The following GSE1 variants were observed in gnomAD, a reference collection of about 807,000 sequenced individuals.
GSE1 encodes Gse1 coiled-coil protein.
Under a neutral mutation model 112.6 loss-of-function variants are expected in GSE1, and 32 were observed. The observed-to-expected ratio is 0.28, with a 90% CI of 0.21 to 0.38. GSE1 has a LOEUF of 0.38. GSE1 is among the 10% of genes least tolerant of loss of function. The probability of loss-of-function intolerance (pLI) is 1.00; values close to 1 mark genes in which losing one functional copy is unlikely to be tolerated. For missense variants in GSE1, 2,348 were observed against 1,699.2 expected (o/e 1.38, Z -6.71); for synonymous variants, 1,115 against 735.6 (o/e 1.52, Z -8.35).
rs2051957944 is a variant in GSE1 at position 85,656,460 on chromosome 16, C to CGAGCAAGAGAAGGAGCGT, written c.1112_1129dup (p.Gln371_Glu376dup). ...GTGAGCGCGAACGCGAGAAGGAGCG[C>CGAGCAAGAGAAGGAGCGT]GAGCAAGAGAAGGAGCGTGAGCGTG... is the stretch of plus-strand genomic sequence containing the variant. On this transcript the variant is annotated inframe_insertion, in exon 7 of 16. Coordinates refer to ENST00000253458, the MANE Select transcript of GSE1 (RefSeq NM_014615.5). 12 of 1,539,324 alleles carry CGAGCAAGAGAAGGAGCGT rather than the reference C, an allele frequency of 7.8e-6. No individual in the cohort carries two copies. Among genetic ancestry groups the CGAGCAAGAGAAGGAGCGT allele is most frequent in the African/African-American group, 5.5e-5 (4 of 72,544 alleles).
At chr16:85,333,619 G>A (rs891156725) in intron 1 of GSE1, among the ~76,000 whole-genome samples, 1 of 152,338 alleles carries the variant, frequency 6.6e-6, no homozygotes, top group African/African-American at 2.4e-5. Context: ...TATACAATGG[G>A]GACAATAACA....
At chr16:85,362,423 A>G (rs2047100942) in intron 2 of GSE1, among the ~76,000 whole-genome samples, 1 of 152,198 alleles carries the variant, frequency 6.6e-6, no homozygotes, top group African/African-American at 2.4e-5. Context: ...GAGAAGCAGC[A>G]CTGGTTGGTG....
chr16:85,311,505 A>G lies in GSE1; in HGVS notation c.2284-45958A>G, dbSNP rs2045846558. 7.2e-6 allele frequency among the ~76,000 whole-genome samples: 1 copy of G among 139,258 alleles called. No individual in the cohort carries two copies. The highest frequency in any genetic ancestry group is 2.6e-5 in the African/African-American group (1 of 38,930). The allele number at this position is 139,258 out of a possible 152,430, so 91.4% of individuals were successfully genotyped here. On this transcript the variant is annotated intron_variant, in intron 1 of 2. Coordinates refer to the GSE1 transcript ENST00000637419. The surrounding 1 kb of genome is among the most constrained non-coding windows in gnomAD (Gnocchi z 4.2). ...TGCCTCCCACCGTGGGACATTGGGG[A>G]GGGAGGGAGGGAGGGAAGGAGGTGC...
At chr16:85,359,405 C>A (rs745557358) in intron 2 of GSE1, 3 of 455,932 alleles carry the variant, frequency 6.6e-6, no homozygotes, top group African/African-American at 2.0e-5. Flanking sequence ...CCCAGATGGA[C>A]CCCTAGGCGG....
intron 1 of GSE1, among the ~76,000 whole-genome samples, chr16:85,314,618 C>T (rs2151488840): frequency 6.6e-6 from 1 of 152,286 alleles, no homozygotes; most frequent in South Asian, 2.1e-4. Context: ...CCTCCTTCCT[C>T]GCCCCACTCC....
intron 2 of GSE1, among the ~76,000 whole-genome samples, chr16:85,371,668 A>ACACAGGCTGGCACAGAGCCTGG (rs2151599101): frequency 6.6e-6 from 1 of 152,296 alleles, no homozygotes; most frequent in East Asian, 1.9e-4. Flanking sequence ...CCCTTACGGG[A>ACACAGGCTGGCACAGAGCCTGG]CACAGGCTGG....
chr16:85,202,103 G>A lies in GSE1; in HGVS notation c.2283+30296G>A, dbSNP rs536726310. 9.8e-5 allele frequency among the ~76,000 whole-genome samples: 15 copies of A among 152,358 alleles called. No homozygotes were observed. In the South Asian group the frequency reaches 1.0e-3, roughly 11 times the overall value. On this transcript the variant is annotated intron_variant, in intron 1 of 2. Transcript: ENST00000637419. ...CTGGCGGAAGGTGGTGGGGCTGGCC[G>A]GCTTAGGAAGTGCTCCCCTGTTAGG...
chr16:85,282,261 C>T (rs958880854), intron 1 of GSE1, among the ~76,000 whole-genome samples: 1 of 152,082 alleles, frequency 6.6e-6, no homozygotes, highest in African/African-American at 2.4e-5. Context: ...CTCTTGACCT[C>T]GTGATCCAGC....
chr16:85,225,787 T>C (rs893620409), intron 1 of GSE1, among the ~76,000 whole-genome samples: 3 of 152,200 alleles, frequency 2.0e-5, no homozygotes, highest in African/African-American at 7.2e-5. Context: ...CCTCAAAACA[T>C]TGTAGCCTAA....
chr16:85,291,827 C>A, intron 1 of GSE1, among the ~76,000 whole-genome samples: 1 of 152,216 alleles, frequency 6.6e-6, no homozygotes, highest in East Asian at 1.9e-4. Flanking sequence ...CCTCCCCATC[C>A]CCCCGCCAGC....
At chr16:85,608,567 A>G (rs2047816362), upstream of GSE1, among the ~76,000 whole-genome samples, 1 of 152,094 alleles carries the variant, frequency 6.6e-6, no homozygotes, top group Admixed American at 6.6e-5. Context: ...AATCAGAGTG[A>G]CCATGGCAGG....
At chr16:85,383,642 A>G (rs2047617888) in intron 2 of GSE1, among the ~76,000 whole-genome samples, 1 of 151,836 alleles carries the variant, frequency 6.6e-6, no homozygotes, top group Non-Finnish European at 1.5e-5. Context: ...GAAGCCGACC[A>G]CATGGACTCT....
chr16:85,219,967 G>A (rs1410434702), intron 1 of GSE1, among the ~76,000 whole-genome samples: 1 of 152,236 alleles, frequency 6.6e-6, no homozygotes, highest in East Asian at 1.9e-4. Context: ...CAGCCTGGAG[G>A]ATGGGAATCC....
At chr16:85,310,085 C>T (rs1382733806) in intron 1 of GSE1, among the ~76,000 whole-genome samples, 1 of 152,258 alleles carries the variant, frequency 6.6e-6, no homozygotes, top group Admixed American at 6.5e-5. Flanking sequence ...CTTAGCACGG[C>T]CTCACCCCTG....
intron 1 of GSE1, among the ~76,000 whole-genome samples, chr16:85,314,069 GAC>G (rs769700197): frequency 6.6e-6 from 1 of 151,718 alleles, no homozygotes; most frequent in Non-Finnish European, 1.5e-5. Context: ...GTGTGTATAA[GAC>G]ATAGCCATTT....
intron 1 of GSE1, among the ~76,000 whole-genome samples, chr16:85,195,764 T>C (rs7206798): frequency 6.6e-4 from 101 of 152,270 alleles, no homozygotes; most frequent in Admixed American, 1.7e-3. Flanking sequence ...GCTGAGACTG[T>C]CCCGGAAAGG....
chr16:85,651,088 C>G (rs1232639415), intron 3 of GSE1, among the ~76,000 whole-genome samples: 2 of 140,526 alleles, frequency 1.4e-5, no homozygotes, highest in African/African-American at 5.3e-5. Context: ...CCCCCTCCCC[C>G]TCCGCCTTCT....
At chr16:85,301,898 T>C (rs1439261962) in intron 1 of GSE1, among the ~76,000 whole-genome samples, 9 of 152,234 alleles carry the variant, frequency 5.9e-5, no homozygotes, top group Admixed American at 5.9e-4. Flanking sequence ...TGGGTTCTGA[T>C]AGTCAAGCCT....
At chr16:85,434,842 G>GA (rs1469653613) in intron 2 of GSE1, among the ~76,000 whole-genome samples, 2 of 152,234 alleles carry the variant, frequency 1.3e-5, no homozygotes, top group Non-Finnish European at 2.9e-5. Flanking sequence ...ATCAGAGCCA[G>GA]AATGGAAAGA....
Sources: allele counts gnomAD v4.1 joint callset (sites outside exome capture counted in the v4.1 genomes callset), GRCh38; gene constraint gnomAD v4.1.1; non-coding constraint Gnocchi (gnomAD v3.1); transcripts MANE v1.5; gene names NCBI Gene and HGNC (gene_info 2026-07-23, HGNC 2026-07-21).